GRID1: variants seen among roughly 807,000 people sequenced by gnomAD.
The protein encoded by GRID1 is glutamate ionotropic receptor delta type subunit 1.
A neutral mutation model predicts 98.0 loss-of-function variants in GRID1; 28 were observed. The ratio of observed to expected loss-of-function variants is 0.29; its 90% CI spans 0.21 to 0.39. The LOEUF (loss-of-function observed/expected upper bound fraction) is 0.39, where lower values mean the gene tolerates loss of function less well. Among genes scored for constraint, GRID1 ranks in the 10% least tolerant of loss-of-function variants. The pLI is 1.00. For missense variants in GRID1, 1,111 were observed against 1,340.5 expected (o/e 0.83, Z 2.67); for synonymous variants, 553 against 538.5 (o/e 1.03, Z -0.37).
intron 3 of GRID1, among the ~76,000 whole-genome samples, chr10:86,144,182 T>A (rs1845051564): frequency 6.6e-6 from 1 of 151,932 alleles, no homozygotes; most frequent in Non-Finnish European, 1.5e-5. Context: ...GGAGATAATT[T>A]CCAACAGTGA....
At chr10:86,260,774 C>G (rs570306404) in intron 2 of GRID1, among the ~76,000 whole-genome samples, 60 of 152,310 alleles carry the variant, frequency 3.9e-4, no homozygotes, top group African/African-American at 1.4e-3. Context: ...AGCATGGTCC[C>G]CAGAGACACC....
chr10:85,656,247 G>A (rs1202028228), intron 12 of GRID1, among the ~76,000 whole-genome samples: 1 of 152,116 alleles, frequency 6.6e-6, no homozygotes, highest in Non-Finnish European at 1.5e-5. Flanking sequence ...TCTCCTAGAT[G>A]CCCTTCCTTC....
chr10:85,670,302 C>T (rs1344575245), intron 12 of GRID1, among the ~76,000 whole-genome samples: 2 of 152,080 alleles, frequency 1.3e-5, no homozygotes, highest in Non-Finnish European at 2.9e-5. Context: ...GACCAAAATG[C>T]TCTGAAATGG....
intron 4 of GRID1, among the ~76,000 whole-genome samples, chr10:86,042,269 C>T (rs1306948923): frequency 6.6e-6 from 1 of 152,224 alleles, no homozygotes; most frequent in Non-Finnish European, 1.5e-5. Flanking sequence ...CTCTCCTCAG[C>T]TGAGAGAAGT....
chr10:85,753,704 A>G (rs1045634937), intron 8 of GRID1, among the ~76,000 whole-genome samples: 2 of 152,228 alleles, frequency 1.3e-5, no homozygotes, highest in Non-Finnish European at 2.9e-5. Flanking sequence ...ATGTCCTGAT[A>G]GGTGTAGGGC....
At chr10:86,098,101 CAGTGGCATCT>C (rs1844247198) in intron 4 of GRID1, among the ~76,000 whole-genome samples, 1 of 152,212 alleles carries the variant, frequency 6.6e-6, no homozygotes, top group Admixed American at 6.5e-5. Context: ...ACCTCTGTTC[CAGTGGCATCT>C]GGCCTCCTTT....
At chr10:85,805,018 A>C (rs1282759634) in intron 8 of GRID1, among the ~76,000 whole-genome samples, 2 of 151,816 alleles carry the variant, frequency 1.3e-5, no homozygotes, top group East Asian at 3.9e-4. Context: ...GGAGAAAAGG[A>C]AGGAAGAAGT....
intron 2 of GRID1, among the ~76,000 whole-genome samples, chr10:86,248,402 T>C (rs1441231872): frequency 6.6e-6 from 1 of 151,842 alleles, no homozygotes; most frequent in Non-Finnish European, 1.5e-5. Context: ...CAACCTGGAG[T>C]GGTTAAAACA....
intron 4 of GRID1, among the ~76,000 whole-genome samples, chr10:86,095,199 T>G (rs760107728): frequency 2.6e-5 from 4 of 152,102 alleles, no homozygotes; most frequent in Non-Finnish European, 5.9e-5. Context: ...TATACAAAAA[T>G]CAACTCAAGA....
chr10:86,337,892 G>C (rs1848249181), intron 2 of GRID1, among the ~76,000 whole-genome samples: 1 of 151,962 alleles, frequency 6.6e-6, no homozygotes, highest in South Asian at 2.1e-4. Context: ...ATTATTAGTA[G>C]AGACAGGGTT....
Position 86,195,060 on chromosome 10 carries a change from A to C in GRID1, c.520+11304T>G, listed in dbSNP as rs185557665. Among the ~76,000 whole-genome samples the C allele has an allele frequency of 1.6e-3, 246 of 152,232 alleles. 6 individuals are homozygous for C. Among genetic ancestry groups the C allele is most frequent in the Non-Finnish European group, 2.5e-3 (173 of 67,970 alleles). ...TGGGCAGCAAGGAGTGCCAGAACGC[A>C]CAACCCTTGCTATGACCCGCTTCAA... On this transcript the variant is annotated intron_variant, in intron 3 of 15. Coordinates refer to ENST00000327946, the MANE Select transcript of GRID1 (RefSeq NM_017551.3). This position sits in a 1 kb window ranked among gnomAD's most constrained non-coding sequence, Gnocchi z 4.4.
chr10:86,322,567 T>A (rs1847985899), intron 2 of GRID1, among the ~76,000 whole-genome samples: 1 of 151,796 alleles, frequency 6.6e-6, no homozygotes. Flanking sequence ...CACGTCACCA[T>A]GCCCAGCTAA....
At chr10:86,221,905 C>CTCCTCT (rs1159882989) in intron 2 of GRID1, among the ~76,000 whole-genome samples, 7 of 152,134 alleles carry the variant, frequency 4.6e-5, no homozygotes, top group African/African-American at 1.7e-4. Flanking sequence ...CCTTCTCCTC[C>CTCCTCT]TCCTCCTCCT....
chr10:85,865,963 A>ATATATATATATATATACACATATATATG (rs1564613333), intron 6 of GRID1, among the ~76,000 whole-genome samples: 1 of 6,426 alleles, frequency 1.6e-4, no homozygotes, highest in Non-Finnish European at 5.7e-4. Flanking sequence ...ATGGAGAGAG[A>ATATATATATATATATACACATATATATG]GAGAGAGAGA....
intron 13 of GRID1, among the ~76,000 whole-genome samples, chr10:85,620,805 C>T (rs1446932260): frequency 2.0e-5 from 3 of 152,230 alleles, no homozygotes; most frequent in Non-Finnish European, 4.4e-5. Flanking sequence ...GTGTAATAAG[C>T]ACACATATAT....
chr10:85,972,440 C>A (rs946185888), intron 4 of GRID1, among the ~76,000 whole-genome samples: 6 of 147,356 alleles, frequency 4.1e-5, no homozygotes, highest in African/African-American at 1.2e-4. Flanking sequence ...ATTTATATAA[C>A]TATATTAAAT....
chr10:86,027,823 C>T (rs1245940447), intron 4 of GRID1, among the ~76,000 whole-genome samples: 1 of 152,206 alleles, frequency 6.6e-6, no homozygotes, highest in African/African-American at 2.4e-5. Flanking sequence ...TCAACACTCA[C>T]ATTATCACAA....
intron 2 of GRID1, among the ~76,000 whole-genome samples, chr10:86,286,413 A>G (rs576733684): frequency 6.6e-6 from 1 of 152,264 alleles, no homozygotes; most frequent in East Asian, 1.9e-4. Flanking sequence ...TTCGTCAGCA[A>G]AAGATTCCAC....
At chr10:85,742,547 G>A (rs1841954740) in intron 8 of GRID1, among the ~76,000 whole-genome samples, 1 of 152,116 alleles carries the variant, frequency 6.6e-6, no homozygotes, top group South Asian at 2.1e-4. Context: ...TAATTGCCCT[G>A]TTTTCAGGAA....
Sources: allele counts gnomAD v4.1 joint callset (sites outside exome capture counted in the v4.1 genomes callset), GRCh38; gene constraint gnomAD v4.1.1; non-coding constraint Gnocchi (gnomAD v3.1); transcripts MANE v1.5; gene names NCBI Gene and HGNC (gene_info 2026-07-23, HGNC 2026-07-21).